Variants in TUSC3 observed in about 807,000 individuals in gnomAD.
TUSC3 encodes the protein dolichyl-diphosphooligosaccharide--protein glycosyltransferase subunit TUSC3.
TUSC3 carries 45 observed loss-of-function variants against 44.8 expected under a neutral mutation model. That is an observed-to-expected ratio of 1.00 (90% CI 0.79 to 1.29). TUSC3 has a LOEUF of 1.29. Ranked by LOEUF, TUSC3 falls within the 50% of genes most tolerant of loss-of-function variation. TUSC3 has a pLI of 0.00. For synonymous variants in TUSC3, 212 were observed against 152.9 expected (o/e 1.39, Z -2.85); for missense variants, 519 against 437.9 (o/e 1.19, Z -1.65).
At position 15,573,162 on chromosome 8, in the gene TUSC3, CTCTCTT is replaced by C. The variant is rs760726680; in HGVS notation, c.138+32600_138+32605del. 4.1e-3 allele frequency among the ~76,000 whole-genome samples: 429 copies of C among 105,038 alleles called. 5 individuals carry two copies. Among genetic ancestry groups the C allele is most frequent in the African/African-American group, 0.014 (348 of 25,346 alleles). The allele number at this position is 105,038 out of a possible 152,430, so 68.9% of individuals were successfully genotyped here. A position where few individuals can be genotyped will look rare whatever the true frequency, so the allele number is the denominator to read the frequency against. On this transcript the variant is annotated intron_variant, in intron 1 of 10. Coordinates refer to ENST00000503731, the MANE Select transcript of TUSC3 (RefSeq NM_006765.4). ...AACTATTGCTTCAGTATAGTGTTCT[CTCTCTT>C]TCTCTCTCTCTCTCTCTCTCTCTCT...
rs995660071 is a variant in TUSC3 at position 15,499,881 on chromosome 8, T to C, written n.189+16398T>C. ...CAAATCCTCATTTTACATACATACA[T>C]ACGTACACACACACACATTCTGTAT... On this transcript the variant is annotated intron_variant and non_coding_transcript_variant, in intron 2 of 5. Transcript: ENST00000503191. Among the ~76,000 whole-genome samples, 31 of 152,116 alleles carry C rather than the reference T, an allele frequency of 2.0e-4. 1 individual carries two copies.
At chr8:15,786,524 A>G in the TUSC3 span, among the ~76,000 whole-genome samples, 1 of 152,176 alleles carries the variant, frequency 6.6e-6, no homozygotes, top group Admixed American at 6.5e-5. Context: ...TTCTCTTTTA[A>G]TCTAGAACTG....
chr8:15,535,746 C>T (rs1801513518), upstream of TUSC3, among the ~76,000 whole-genome samples: 1 of 152,046 alleles, frequency 6.6e-6, no homozygotes, highest in Non-Finnish European at 1.5e-5. Context: ...AGTAGCAGTA[C>T]TATAAAAAGT....
chr8:15,683,464 T>G (rs983615100), intron 6 of TUSC3, among the ~76,000 whole-genome samples: 1 of 152,080 alleles, frequency 6.6e-6, no homozygotes, highest in Non-Finnish European at 1.5e-5. Flanking sequence ...AATTTGAAAT[T>G]CCTATGGTGG....
intron 1 of TUSC3, among the ~76,000 whole-genome samples, chr8:15,601,220 C>T (rs1054062486): frequency 6.6e-6 from 1 of 151,634 alleles, no homozygotes; most frequent in East Asian, 1.9e-4. Flanking sequence ...TTTGAATTTA[C>T]TTATTATCAT....
rs376315395 is a variant in TUSC3 at position 15,735,769 on chromosome 8, C to T, written c.862+5040C>T. ...GGCTGGAGTGCAGTGGCGTGATCTCCGCTCACTGCAAGCTCTGCCTTCCGG... is the reference window on the plus strand; with the variant it reads ...GGCTGGAGTGCAGTGGCGTGATCTCTGCTCACTGCAAGCTCTGCCTTCCGG... On this transcript the variant is annotated intron_variant, in intron 7 of 10. Coordinates refer to ENST00000503731, the MANE Select transcript of TUSC3 (RefSeq NM_006765.4). Among the ~76,000 whole-genome samples the T allele has an allele frequency of 2.2e-4, 34 of 152,226 alleles. No homozygotes were observed. In the East Asian group the frequency reaches 4.8e-3, roughly 22 times the overall value.
At chr8:15,456,821 G>T (rs924347722) in intron 1 of TUSC3, among the ~76,000 whole-genome samples, 2 of 152,148 alleles carry the variant, frequency 1.3e-5, no homozygotes, top group East Asian at 1.9e-4. Flanking sequence ...ACTTGAAAAC[G>T]CTTTAAAACA....
intron 1 of TUSC3, among the ~76,000 whole-genome samples, chr8:15,436,611 G>A: frequency 6.6e-6 from 1 of 152,028 alleles, no homozygotes; most frequent in East Asian, 1.9e-4. Context: ...TGTTAATCAT[G>A]GGTTCAGATT....
rs1279758200 is a variant in TUSC3 at position 15,555,155 on chromosome 8, T to G, written c.138+14587T>G. 1.4e-4 allele frequency among the ~76,000 whole-genome samples: 21 copies of G among 147,114 alleles called. No individual in the cohort carries two copies. In the East Asian group the frequency reaches 3.4e-3, roughly 24 times the overall value. ...AATAGCAGTCTTTTTTTTTTTTTTT[T>G]TTTTTTTGGGGGGGACGAGATCTTA... On this transcript the variant is annotated intron_variant, in intron 1 of 10. Transcript: ENST00000503731.
At chr8:15,837,106 T>A in the TUSC3 span, among the ~76,000 whole-genome samples, 1 of 152,210 alleles carries the variant, frequency 6.6e-6, no homozygotes. Context: ...AAGCTATTGT[T>A]CTACTGTCTG....
chr8:15,611,105 A>T (rs1804742290), intron 1 of TUSC3, among the ~76,000 whole-genome samples: 1 of 152,132 alleles, frequency 6.6e-6, no homozygotes, highest in African/African-American at 2.4e-5. Flanking sequence ...CAGAGGTGGA[A>T]TTGGTTTGGG....
the TUSC3 span, among the ~76,000 whole-genome samples, chr8:15,829,069 T>G: frequency 6.6e-6 from 1 of 152,228 alleles, no homozygotes; most frequent in Non-Finnish European, 1.5e-5. Context: ...TTATGTTTTC[T>G]TCTCATACTT....
intron 2 of TUSC3, among the ~76,000 whole-genome samples, chr8:15,523,981 A>G (rs1156898948): frequency 6.6e-6 from 1 of 150,842 alleles, no homozygotes; most frequent in Non-Finnish European, 1.5e-5. Flanking sequence ...ACTTGAACCC[A>G]GAAGGTGCAG....
At chr8:15,747,663 C>A (rs1028949710) in intron 8 of TUSC3, among the ~76,000 whole-genome samples, 6 of 152,034 alleles carry the variant, frequency 3.9e-5, no homozygotes, top group African/African-American at 1.4e-4. Context: ...AAATAAAGTA[C>A]TGCTCGTATT....
intron 1 of TUSC3, among the ~76,000 whole-genome samples, chr8:15,594,730 C>T (rs1039814321): frequency 2.0e-5 from 3 of 152,148 alleles, no homozygotes; most frequent in African/African-American, 7.2e-5. Flanking sequence ...CTGGATACTA[C>T]TCTTATGAAT....
intron 5 of TUSC3, among the ~76,000 whole-genome samples, chr8:15,666,575 A>G (rs1332204582): frequency 6.6e-6 from 1 of 151,538 alleles, no homozygotes; most frequent in East Asian, 1.9e-4. Context: ...TCTTGTGACC[A>G]TTCAAAGTTA....
intron 5 of TUSC3, among the ~76,000 whole-genome samples, chr8:15,670,079 A>T: frequency 6.6e-6 from 1 of 151,866 alleles, no homozygotes; most frequent in East Asian, 1.9e-4. Flanking sequence ...TGCACACTGA[A>T]AACTGAAAAA....
At chr8:15,784,187 T>C in the TUSC3 span, among the ~76,000 whole-genome samples, 1 of 152,044 alleles carries the variant, frequency 6.6e-6, no homozygotes. Flanking sequence ...TTTTAAACAA[T>C]GAAAAAGTAA....
intron 1 of TUSC3, among the ~76,000 whole-genome samples, chr8:15,622,267 T>G (rs1296092066): frequency 2.0e-5 from 3 of 152,098 alleles, no homozygotes. Context: ...AGATGAATGT[T>G]CTAAAGATAA....
Sources: allele counts gnomAD v4.1 joint callset (sites outside exome capture counted in the v4.1 genomes callset), GRCh38; gene constraint gnomAD v4.1.1; transcripts MANE v1.5; gene names NCBI Gene and HGNC (gene_info 2026-07-23, HGNC 2026-07-21).